Variants in PEMT observed in about 807,000 individuals in gnomAD.
The protein encoded by PEMT is phospholipid methyltransferase.
Under a neutral mutation model 27.4 loss-of-function variants are expected in PEMT, and 23 were observed. That is an observed-to-expected ratio of 0.84 (90% confidence interval 0.60 to 1.19). The LOEUF is 1.19. PEMT is among the 50% of genes most tolerant of loss of function. PEMT has a pLI of 0.00. For missense variants in PEMT, 307 were observed against 310.1 expected, an observed-to-expected ratio of 0.99 and a Z score of 0.07; for synonymous variants, 137 against 139.1, an observed-to-expected ratio of 0.98 and a Z score of 0.11.
chr17:17,573,706 A>G (rs1237958780), intron 2 of PEMT, among the ~76,000 whole-genome samples: 2 of 152,090 alleles, frequency 1.3e-5, no homozygotes, highest in African/African-American at 4.8e-5. Context: ...CCAATCTCCT[A>G]TGGATACCCA....
chr17:17,575,594 G>A (rs1327871048), intron 2 of PEMT, among the ~76,000 whole-genome samples: 4 of 152,240 alleles, frequency 2.6e-5, no homozygotes, highest in Admixed American at 6.5e-5. Flanking sequence ...AGAGGCCCAT[G>A]TCAGGAGGCT....
At chr17:17,574,211 A>C (rs981997811) in intron 2 of PEMT, among the ~76,000 whole-genome samples, 3 of 144,614 alleles carry the variant, frequency 2.1e-5, no homozygotes, top group Non-Finnish European at 3.0e-5. Flanking sequence ...GTGAAAAACT[A>C]TCTCAAAATG....
chr17:17,506,209 G>C lies in PEMT; in HGVS notation c.653+18C>G. On this transcript the variant is annotated intron_variant, in intron 6 of 6. Coordinates refer to ENST00000255389, the MANE Select transcript of PEMT (RefSeq NM_148172.3). ...CAGTCGGGCAGCCACGCCCCCACCC[G>C]CCGCAGCCCCTACTCACTCTTCGTA... 2 of 1,537,106 alleles carry C rather than the reference G, an allele frequency of 1.3e-6. No individual in the cohort carries two copies. Among genetic ancestry groups the C allele is most frequent in the Non-Finnish European group, 1.8e-6 (2 of 1,132,794 alleles).
At chr17:17,525,481 G>A (rs1907601991) in intron 2 of PEMT, among the ~76,000 whole-genome samples, 3 of 152,222 alleles carry the variant, frequency 2.0e-5, no homozygotes, top group African/African-American at 7.2e-5. Flanking sequence ...AACAATGAGC[G>A]GGTGCCGGAC....
At chr17:17,547,806 G>A (rs1205196078) in intron 2 of PEMT, among the ~76,000 whole-genome samples, 3 of 152,258 alleles carry the variant, frequency 2.0e-5, no homozygotes, top group East Asian at 1.9e-4. Context: ...GGTTTATCTC[G>A]GACTTGGTAT....
At chr17:17,585,927 A>AC (rs1912220492) in intron 1 of PEMT, among the ~76,000 whole-genome samples, 1 of 151,700 alleles carries the variant, frequency 6.6e-6, no homozygotes, top group Non-Finnish European at 1.5e-5. Flanking sequence ...CTAAAAAATT[A>AC]AAAAAATTAG....
At chr17:17,539,910 C>A (rs1195459387) in intron 2 of PEMT, among the ~76,000 whole-genome samples, 1 of 152,190 alleles carries the variant, frequency 6.6e-6, no homozygotes, top group African/African-American at 2.4e-5. Flanking sequence ...GAGGCTGGTG[C>A]AGGAAAGACT....
chr17:17,507,624 C>T (rs773087380), intron 5 of PEMT: 10 of 173,736 alleles, frequency 5.8e-5, no homozygotes, highest in Admixed American at 1.8e-4. Flanking sequence ...GGAGGCCCAC[C>T]TGTCCCTCAC....
intron 2 of PEMT, among the ~76,000 whole-genome samples, chr17:17,564,745 T>C (rs1379823366): frequency 6.6e-6 from 1 of 152,124 alleles, no homozygotes; most frequent in Non-Finnish European, 1.5e-5. Context: ...GCCAACGCTG[T>C]CCTCACCAGA....
At chr17:17,521,498 AC>A (rs1293011173) in intron 3 of PEMT, among the ~76,000 whole-genome samples, 3 of 151,656 alleles carry the variant, frequency 2.0e-5, no homozygotes, top group Non-Finnish European at 4.4e-5. Flanking sequence ...TTCTTCTCTG[AC>A]CTTTTCATTT....
At chr17:17,511,250 C>A (rs986071874) in intron 4 of PEMT, among the ~76,000 whole-genome samples, 3 of 152,186 alleles carry the variant, frequency 2.0e-5, no homozygotes, top group Admixed American at 6.5e-5. Context: ...CACCTGCCCC[C>A]ACCTGGCAGA....
chr17:17,540,583 G>A (rs748237325), intron 2 of PEMT, among the ~76,000 whole-genome samples: 4 of 152,186 alleles, frequency 2.6e-5, no homozygotes, highest in Non-Finnish European at 2.9e-5. Context: ...TCTACTTGAG[G>A]ACACTGTCAG....
At chr17:17,577,516 G>A (rs968955356) in intron 1 of PEMT, 44 of 999,536 alleles carry the variant, frequency 4.4e-5, no homozygotes, top group East Asian at 4.0e-4. Flanking sequence ...TGAGTGGGGC[G>A]GGGTAAACTG....
intron 1 of PEMT, among the ~76,000 whole-genome samples, chr17:17,577,814 A>G (rs981142183): frequency 2.5e-4 from 38 of 152,038 alleles, no homozygotes; most frequent in Admixed American, 3.3e-4. Flanking sequence ...TCAGGAGATC[A>G]AGACCATCCT....
intron 1 of PEMT, among the ~76,000 whole-genome samples, chr17:17,585,799 C>G (rs1316409632): frequency 1.3e-5 from 2 of 151,718 alleles, no homozygotes; most frequent in Non-Finnish European, 2.9e-5. Context: ...AAAAATTTGT[C>G]GGGCCGGGCG....
intron 3 of PEMT, among the ~76,000 whole-genome samples, chr17:17,516,242 C>T (rs967161873): frequency 5.3e-5 from 8 of 152,090 alleles, no homozygotes; most frequent in African/African-American, 1.9e-4. Flanking sequence ...TGAAATGAGT[C>T]GTCTGATGGG....
intron 3 of PEMT, chr17:17,519,047 G>A (rs988174169): frequency 2.0e-5 from 3 of 152,256 alleles, no homozygotes; most frequent in South Asian, 2.1e-4. Context: ...CCACTGAAGC[G>A]AGGCATGCAT....
chr17:17,572,762 T>C (rs1355780422), intron 2 of PEMT, among the ~76,000 whole-genome samples: 3 of 152,252 alleles, frequency 2.0e-5, no homozygotes, highest in Non-Finnish European at 4.4e-5. Context: ...CTCTTCAAGC[T>C]TCAGTCTCCA....
chr17:17,535,059 C>T (rs997460492), intron 2 of PEMT, among the ~76,000 whole-genome samples: 3 of 151,798 alleles, frequency 2.0e-5, no homozygotes, highest in African/African-American at 7.3e-5. Context: ...TACAGGTGTG[C>T]GCCCCTATGC....
Sources: allele counts gnomAD v4.1 joint callset (sites outside exome capture counted in the v4.1 genomes callset), GRCh38; gene constraint gnomAD v4.1.1; transcripts MANE v1.5; gene names NCBI Gene and HGNC (gene_info 2026-07-23, HGNC 2026-07-21).